PHYHIPL: variants seen among roughly 807,000 people sequenced by gnomAD.
PHYHIPL encodes the protein phytanoyl-CoA hydroxylase-interacting protein-like.
PHYHIPL carries 9 observed loss-of-function variants against 33.4 expected under a neutral mutation model. That is an observed-to-expected ratio of 0.27 (90% CI 0.16 to 0.47). The LOEUF (loss-of-function observed/expected upper bound fraction) is 0.47. Ranked by LOEUF, PHYHIPL falls within the 20% of genes least tolerant of loss-of-function variation. PHYHIPL has a pLI of 0.99. For synonymous variants in PHYHIPL, 153 were observed against 154.1 expected (o/e 0.99, Z 0.05); for missense variants, 365 against 460.7 (o/e 0.79, Z 1.90).
intron 1 of PHYHIPL, among the ~76,000 whole-genome samples, chr10:59,185,239 C>G (rs1348264240): frequency 6.6e-6 from 1 of 152,098 alleles, no homozygotes. Context: ...ATCCGCCCGC[C>G]TCGGCCTCCC....
intron 1 of PHYHIPL, among the ~76,000 whole-genome samples, chr10:59,186,619 G>C (rs1456819484): frequency 6.6e-6 from 1 of 152,094 alleles, no homozygotes; most frequent in Admixed American, 6.5e-5. Flanking sequence ...TTTTCCATTT[G>C]TTTGTGTCCT....
At chr10:59,192,555 A>T (rs1013818833) in intron 1 of PHYHIPL, among the ~76,000 whole-genome samples, 3 of 152,174 alleles carry the variant, frequency 2.0e-5, no homozygotes, top group Non-Finnish European at 4.4e-5. Flanking sequence ...TTGTTTAGAT[A>T]CAGTGTTCTG....
At chr10:59,187,547 C>A (rs550830823) in intron 1 of PHYHIPL, among the ~76,000 whole-genome samples, 1 of 152,160 alleles carries the variant, frequency 6.6e-6, no homozygotes, top group Admixed American at 6.5e-5. Flanking sequence ...ATGGTACCAG[C>A]TCCTGCTTGT....
At chr10:59,242,382 A>G (rs11006411) in intron 4 of PHYHIPL, among the ~76,000 whole-genome samples, 32,638 of 151,988 alleles carry the variant, frequency 0.21, 4,748 homozygotes, top group African/African-American at 0.4. Flanking sequence ...TCTGACATCA[A>G]TGAAGTGACT....
intron 1 of PHYHIPL, among the ~76,000 whole-genome samples, chr10:59,180,986 A>T (rs957466477): frequency 6.6e-6 from 1 of 152,210 alleles, no homozygotes; most frequent in Non-Finnish European, 1.5e-5. Context: ...CATGCAGTGT[A>T]GCATAGTGAT....
chr10:59,176,585 C>G (rs1205799256), upstream of PHYHIPL: 10 of 297,650 alleles, frequency 3.4e-5, no homozygotes, highest in Admixed American at 2.6e-4. Flanking sequence ...GAGCAGCGTC[C>G]CCTCCCCGCC....
intron 1 of PHYHIPL, among the ~76,000 whole-genome samples, chr10:59,207,906 A>AT (rs1325561257): frequency 1.3e-5 from 2 of 150,862 alleles, no homozygotes; most frequent in Non-Finnish European, 1.5e-5. Flanking sequence ...AAAAAAAAAA[A>AT]GGGCAGCAGC....
At chr10:59,181,704 C>A (rs529011432) in intron 1 of PHYHIPL, among the ~76,000 whole-genome samples, 1 of 151,930 alleles carries the variant, frequency 6.6e-6, no homozygotes, top group East Asian at 1.9e-4. Flanking sequence ...GAGTATGAAA[C>A]AAAACAAAAA....
intron 1 of PHYHIPL, among the ~76,000 whole-genome samples, chr10:59,204,237 T>C (rs558626026): frequency 6.6e-6 from 1 of 152,216 alleles, no homozygotes; most frequent in Non-Finnish European, 1.5e-5. Context: ...TCTATCCTGC[T>C]AGGAGACTAG....
At chr10:59,178,263 G>C (rs528938338) in intron 1 of PHYHIPL, among the ~76,000 whole-genome samples, 98 of 151,790 alleles carry the variant, frequency 6.5e-4, no homozygotes, top group Non-Finnish European at 8.7e-4. Context: ...TCTGATACAG[G>C]TGTAGTATAT....
rs964715820 is a variant in PHYHIPL at position 59,246,284 on chromosome 10, A to G, written c.*693A>G. Reference sequence around the variant, plus strand: ...ATTTGTAAACCTCAAATAGTTGTGTATCTGTCCTGTTAGAAGTAGATGACT... The same window carrying G: ...ATTTGTAAACCTCAAATAGTTGTGTGTCTGTCCTGTTAGAAGTAGATGACT... On this transcript the variant is annotated 3_prime_UTR_variant, in exon 5 of 5. Transcript: ENST00000373880. 3.0e-5 allele frequency: 5 copies of G among 168,480 alleles called. No individual in the cohort carries two copies. The highest frequency in any genetic ancestry group is 1.2e-4 in the African/African-American group (5 of 42,342). 10.4% of individuals were successfully genotyped at this position (168,480 alleles called of 1,614,324 possible).
At position 59,244,562 on chromosome 10, in the gene PHYHIPL, C is replaced by CAAAA. The variant is rs71006239; in HGVS notation, c.597-474_597-471dup. On this transcript the variant is annotated intron_variant, in intron 4 of 4. Coordinates refer to ENST00000373880, the MANE Select transcript of PHYHIPL (RefSeq NM_032439.4). ...CTGGCAACAGAGTGAGACTCTGTCT[C>CAAAA]AAAAAAAAAAAAAAAAAAAAAAAAG... Among the ~76,000 whole-genome samples, 299 of 39,530 alleles carry CAAAA rather than the reference C, an allele frequency of 7.6e-3. 25 individuals are homozygous for CAAAA. Among genetic ancestry groups the CAAAA allele is most frequent in the African/African-American group, 0.011 (130 of 12,042 alleles). 25.9% of individuals were successfully genotyped at this position (39,530 alleles called of 152,430 possible). A position where few individuals can be genotyped will look rare whatever the true frequency, so the allele number is the denominator to read the frequency against.
Position 59,183,634 on chromosome 10 carries a change from A to G in PHYHIPL, c.106+6675A>G, listed in dbSNP as rs537633846. The G allele has an allele frequency of 9.5e-5, 93 of 984,052 alleles. No homozygotes were observed. In the African/African-American group the frequency reaches 1.5e-3, roughly 16 times the overall value. 61.0% of individuals were successfully genotyped at this position (984,052 alleles called of 1,614,324 possible). ...AAATCTACAACCAGGTTTGTTACAA[A>G]TGTAACTAAGAGCTCTGTATTTTGA... is the stretch of plus-strand genomic sequence containing the variant. On this transcript the variant is annotated intron_variant, in intron 1 of 4. Transcript: ENST00000373880.
chr10:59,209,688 C>T (rs971316460), intron 1 of PHYHIPL, among the ~76,000 whole-genome samples: 2 of 152,158 alleles, frequency 1.3e-5, no homozygotes, highest in African/African-American at 4.8e-5. Context: ...GCTACAGTAA[C>T]CAAAACAGCA....
At chr10:59,191,110 A>G (rs1389605132) in intron 1 of PHYHIPL, among the ~76,000 whole-genome samples, 1 of 151,882 alleles carries the variant, frequency 6.6e-6, no homozygotes, top group Non-Finnish European at 1.5e-5. Context: ...ATTGGTTTAG[A>G]CATTAACATT....
chr10:59,233,800 T>C (rs1840146764), intron 1 of PHYHIPL, among the ~76,000 whole-genome samples: 1 of 151,866 alleles, frequency 6.6e-6, no homozygotes, highest in African/African-American at 2.4e-5. Context: ...ATCCTTAACA[T>C]AGTAACTTGT....
intron 1 of PHYHIPL, among the ~76,000 whole-genome samples, chr10:59,192,745 A>G (rs1838814697): frequency 6.6e-6 from 1 of 152,154 alleles, no homozygotes; most frequent in African/African-American, 2.4e-5. Flanking sequence ...AGTGTGGCAT[A>G]TGAAAAAGGA....
chr10:59,189,866 C>G (rs938674229), intron 1 of PHYHIPL, among the ~76,000 whole-genome samples: 5 of 151,804 alleles, frequency 3.3e-5, no homozygotes, highest in African/African-American at 1.2e-4. Flanking sequence ...TAAACAAAGG[C>G]TTAAAATCAT....
intron 1 of PHYHIPL, chr10:59,177,644 A>T (rs1564697968): frequency 4.5e-6 from 7 of 1,551,054 alleles, no homozygotes; most frequent in Non-Finnish European, 5.2e-6. Context: ...TGTTGATATT[A>T]TATCGTTTAT....
Sources: allele counts gnomAD v4.1 joint callset (sites outside exome capture counted in the v4.1 genomes callset), GRCh38; gene constraint gnomAD v4.1.1; transcripts MANE v1.5; gene names NCBI Gene and HGNC (gene_info 2026-07-23, HGNC 2026-07-21).